The following RBFOX3 variants were observed in gnomAD, a reference collection of about 807,000 sequenced individuals.
RBFOX3 encodes the protein RNA binding protein fox-1 homolog 3.
Under a neutral mutation model 48.7 loss-of-function variants are expected in RBFOX3, and 17 were observed. That is an observed-to-expected ratio of 0.35 (90% CI 0.24 to 0.52). The LOEUF (loss-of-function observed/expected upper bound fraction) is 0.52. Among genes scored for constraint, RBFOX3 ranks in the 20% least tolerant of loss-of-function variants. The probability of loss-of-function intolerance (pLI) is 0.94; values close to 1 mark genes in which losing one functional copy is unlikely to be tolerated. For synonymous variants in RBFOX3, 212 were observed against 209.5 expected (o/e 1.01, Z -0.10); for missense variants, 382 against 497.5 (o/e 0.77, Z 2.21).
intron 3 of RBFOX3, among the ~76,000 whole-genome samples, chr17:79,296,816 T>G (rs1234885656): frequency 1.1e-5 from 1 of 91,034 alleles, no homozygotes; most frequent in Admixed American, 1.1e-4. Context: ...CCTCCCCACT[T>G]CTCCTCCCCT....
At chr17:79,357,224 G>A (rs1035692670) in intron 2 of RBFOX3, among the ~76,000 whole-genome samples, 12 of 152,354 alleles carry the variant, frequency 7.9e-5, no homozygotes, top group South Asian at 2.1e-4. Flanking sequence ...GCTTGCACAT[G>A]AGCACACTCG....
chr17:79,279,516 G>A (rs139500588), intron 3 of RBFOX3, among the ~76,000 whole-genome samples: 7 of 152,178 alleles, frequency 4.6e-5, no homozygotes, highest in Non-Finnish European at 8.8e-5. Context: ...TTGTGGGCAC[G>A]TGGCAGATGC....
intron 3 of RBFOX3, among the ~76,000 whole-genome samples, chr17:79,258,297 C>T (rs1445295480): frequency 6.6e-6 from 1 of 152,206 alleles, no homozygotes; most frequent in African/African-American, 2.4e-5. Context: ...CAGTGATACG[C>T]CGCAGACACA....
chr17:79,581,140 C>T (rs994591806), intron 1 of RBFOX3, among the ~76,000 whole-genome samples: 9 of 152,048 alleles, frequency 5.9e-5, no homozygotes, highest in South Asian at 2.1e-4. Context: ...CCCAGCTACT[C>T]GGGAGGCTGA....
At chr17:79,201,917 C>T (rs1033330978) in intron 4 of RBFOX3, among the ~76,000 whole-genome samples, 5 of 152,220 alleles carry the variant, frequency 3.3e-5, no homozygotes, top group Non-Finnish European at 7.3e-5. Flanking sequence ...TCTGCGTCTC[C>T]GCCCCTGCAG....
chr17:79,640,833 C>T, the RBFOX3 span, among the ~76,000 whole-genome samples: 1 of 152,094 alleles, frequency 6.6e-6, no homozygotes, highest in Non-Finnish European at 1.5e-5. Flanking sequence ...ACATGTAAGA[C>T]CCAAAGCCAT....
At chr17:79,122,227 G>A (rs371702102) in intron 4 of RBFOX3, among the ~76,000 whole-genome samples, 16 of 152,202 alleles carry the variant, frequency 1.1e-4, no homozygotes, top group African/African-American at 2.6e-4. Flanking sequence ...TGGTCGGGCC[G>A]CCATCATCTC....
intron 2 of RBFOX3, among the ~76,000 whole-genome samples, chr17:79,312,689 G>T (rs1328313330): frequency 1.3e-5 from 2 of 152,168 alleles, no homozygotes; most frequent in African/African-American, 2.4e-5. Context: ...AAACCCTCCA[G>T]CTCCTTCATG....
chr17:79,115,667 C>CGA lies in RBFOX3; in HGVS notation c.48_49insTC (p.Gly17SerfsTer30). 1.1e-6 allele frequency: 1 copy of CGA among 893,564 alleles called. No individual in the cohort carries two copies. Among genetic ancestry groups the CGA allele is most frequent in the Non-Finnish European group, 1.5e-6 (1 of 677,590 alleles). 55.4% of individuals were successfully genotyped at this position (893,564 alleles called of 1,614,324 possible). A position where few individuals can be genotyped will look rare whatever the true frequency, so the allele number is the denominator to read the frequency against. On this transcript the variant is annotated frameshift_variant, in exon 5 of 15. Coordinates refer to ENST00000693108, the MANE Select transcript of RBFOX3 (RefSeq NM_001350451.2). LOFTEE classifies it high-confidence loss of function. Reference sequence around the variant, plus strand: ...GGCGGGGCGTACTCGGCAGGGATGCCGTTCTGTGGCGGAGGGGGGTACTGG... The same window carrying CGA: ...GGCGGGGCGTACTCGGCAGGGATGCCGAGTTCTGTGGCGGAGGGGGGTACTGG...
At chr17:79,345,433 T>A (rs180912410) in intron 2 of RBFOX3, among the ~76,000 whole-genome samples, 1 of 152,210 alleles carries the variant, frequency 6.6e-6, no homozygotes, top group Non-Finnish European at 1.5e-5. Flanking sequence ...ATTTATGCTG[T>A]CCTTCTTATG....
chr17:79,432,960 C>T lies in RBFOX3; in HGVS notation c.-175+49494G>A, dbSNP rs115726542. 5.3e-3 allele frequency among the ~76,000 whole-genome samples: 807 copies of T among 152,314 alleles called. 13 individuals carry two copies. Among genetic ancestry groups the T allele is most frequent in the African/African-American group, 0.019 (769 of 41,556 alleles). On this transcript the variant is annotated intron_variant, in intron 2 of 14. Transcript: ENST00000693108. ...ACGTTTAGAATCCGGTCGCTCTCCT[C>T]CCTCTTCTCTTGCTCCCCCTACCCC...
At chr17:79,428,104 G>C (rs533429877) in intron 2 of RBFOX3, among the ~76,000 whole-genome samples, 1 of 152,212 alleles carries the variant, frequency 6.6e-6, no homozygotes, top group Non-Finnish European at 1.5e-5. Context: ...CCACTGTGCC[G>C]AGACAGACTC....
chr17:79,275,787 G>A (rs772190627), intron 3 of RBFOX3, among the ~76,000 whole-genome samples: 5 of 152,188 alleles, frequency 3.3e-5, no homozygotes, highest in South Asian at 2.1e-4. Flanking sequence ...GGAGGCCCTC[G>A]GGCTGGGCTT....
intron 1 of RBFOX3, among the ~76,000 whole-genome samples, chr17:79,592,433 G>A (rs918015603): frequency 6.8e-4 from 103 of 151,742 alleles, no homozygotes; most frequent in African/African-American, 2.3e-3. Flanking sequence ...TGTGTGGTGC[G>A]TGCATATGTG....
intron 2 of RBFOX3, among the ~76,000 whole-genome samples, chr17:79,469,012 C>T (rs1268724427): frequency 2.6e-5 from 4 of 151,362 alleles, no homozygotes; most frequent in Admixed American, 6.6e-5. Context: ...GGCAGGCAGA[C>T]AGGAGGATGG....
intron 2 of RBFOX3, among the ~76,000 whole-genome samples, chr17:79,313,776 C>T (rs182392771): frequency 1.5e-3 from 233 of 152,308 alleles, no homozygotes; most frequent in African/African-American, 5.4e-3. Context: ...ATCTCTGCCT[C>T]GGGGTGGGGG....
chr17:79,096,304 T>TG (rs2075242285), intron 12 of RBFOX3, among the ~76,000 whole-genome samples: 1 of 152,118 alleles, frequency 6.6e-6, no homozygotes, highest in Non-Finnish European at 1.5e-5. Context: ...GCCCGTGCTG[T>TG]GGGTGCCTTA....
intron 4 of RBFOX3, among the ~76,000 whole-genome samples, chr17:79,137,776 T>C (rs2040593894): frequency 6.6e-6 from 1 of 152,216 alleles, no homozygotes; most frequent in Non-Finnish European, 1.5e-5. Flanking sequence ...TGAGTTTCTT[T>C]AATTAATGAA....
At chr17:79,620,573 G>GCA in the RBFOX3 span, among the ~76,000 whole-genome samples, 1 of 84,942 alleles carries the variant, frequency 1.2e-5, no homozygotes, top group East Asian at 2.6e-4. Context: ...ACCCGCGCGT[G>GCA]CACACACGCA....
Sources: gnomAD v4.1 joint callset for allele counts (sites outside exome capture counted in the v4.1 genomes callset) on GRCh38, gnomAD v4.1.1 for gene constraint, MANE v1.5 for transcripts, NCBI Gene and HGNC (gene_info 2026-07-23, HGNC 2026-07-21) for gene names.